Variants in DSG3 observed in about 807,000 individuals in gnomAD.
DSG3 encodes the protein desmoglein 3, also known as desmoglein-3.
A neutral mutation model predicts 85.9 loss-of-function variants in DSG3; 63 were observed. The observed-to-expected ratio is 0.73, with a 90% confidence interval of 0.60 to 0.90. The LOEUF is 0.90. DSG3 is among the 40% of genes least tolerant of loss of function. The pLI is 0.00. For missense variants in DSG3, 1,220 were observed against 1,219.9 expected (o/e 1.00, Z 0.00); for synonymous variants, 447 against 441.9 (o/e 1.01, Z -0.14).
In DSG3 at chr18:31,472,408, C is replaced by A. The variant is rs1025733333; in HGVS notation, c.2022C>A (p.Ala674=). 2 of 1,613,166 alleles carry A rather than the reference C, an allele frequency of 1.2e-6. No individual in the cohort carries two copies. Among genetic ancestry groups the A allele is most frequent in the Non-Finnish European group, 1.7e-6 (2 of 1,179,812 alleles). The change falls in exon 13 of 16, where the codon GCC becomes GCA. Residue 674 remains alanine (A), a synonymous_variant. Coordinates refer to ENST00000257189, the MANE Select transcript of DSG3 (RefSeq NM_001944.3). ...TTCATCAGTGGGGAATTGAAGGAGC[C>A]CATCCTGAAGACAAGGTAAGCATCC... ...GTIHQWGIEG[A]HPEDKEITNI...
rs371285512 is a variant in DSG3, at chr18:31,476,410, T to G, written c.*150T>G. 5.2e-5 allele frequency: 47 copies of G among 906,920 alleles called. No homozygotes were observed. Among genetic ancestry groups the G allele is most frequent in the East Asian group, 3.7e-4 (14 of 37,934 alleles). The allele number at this position is 906,920 out of a possible 1,614,324, so 56.2% of individuals were successfully genotyped here. A position where few individuals can be genotyped will look rare whatever the true frequency, so the allele number is the denominator to read the frequency against. On this transcript the variant is annotated 3_prime_UTR_variant, in exon 16 of 16. Transcript: ENST00000257189. ...TGATCACGATTATAAATTAAATGTT[T>G]GGGTTCATACCCCAAAAGCAATATG...
At position 31,471,468 on chromosome 18, in the gene DSG3, C is replaced by T. The variant is rs552021394; in HGVS notation, c.1898-816C>T. On this transcript the variant is annotated intron_variant, in intron 12 of 15. Coordinates refer to ENST00000257189, the MANE Select transcript of DSG3 (RefSeq NM_001944.3). ...AAATTTAAACCCTAGAATCTGACTT[C>T]GGAGGCTGCATGCTTAAACCCCTCA... Among the ~76,000 whole-genome samples the T allele has an allele frequency of 6.0e-4, 91 of 152,202 alleles. No individual in the cohort carries two copies. In the South Asian group the frequency reaches 6.4e-3, roughly 11 times the overall value.
At chr18:31,448,063 TGAA>T in intron 1 of DSG3, 138 bp downstream of exon 1, 1 of 534,656 alleles carries the variant, frequency 1.9e-6, no homozygotes, top group Non-Finnish European at 3.0e-6. Context: ...AATGAAATCG[TGAA>T]GATTACCAAT....
At chr18:31,447,995 G>T in intron 1 of DSG3, 70 bp downstream of exon 1, 2 of 1,183,076 alleles carry the variant, frequency 1.7e-6, no homozygotes, top group South Asian at 1.8e-5. Context: ...TATTATATTT[G>T]ATTGCACAAT....
intron 9 of DSG3, among the ~76,000 whole-genome samples, chr18:31,465,116 A>G (rs1437265823): frequency 1.4e-5 from 2 of 146,824 alleles, no homozygotes; most frequent in Non-Finnish European, 3.0e-5. Flanking sequence ...CAAGAGCGAA[A>G]CTCCGTCTCA....
chr18:31,474,028 A>T, intron 14 of DSG3, 93 bp from the exon 15 acceptor site: 1 of 1,230,828 alleles, frequency 8.1e-7, no homozygotes, highest in African/African-American at 1.5e-5. Flanking sequence ...ACTTGTTTGC[A>T]TGGTGACTGC....
chr18:31,464,052 AC>A, intron 8 of DSG3, 58 bp from the exon 9 acceptor site: 2 of 1,505,292 alleles, frequency 1.3e-6, no homozygotes. Flanking sequence ...GTCATCATCT[AC>A]TGGGTTTGCG....
rs775849565 is a variant in DSG3, at chr18:31,466,675, A to C, written c.1557A>C (p.Arg519Ser). The change falls in exon 11 of 16, where the codon AGA becomes AGC. Residue 519 changes from arginine (R) to serine (S), a missense_variant. By Grantham distance (110) the Arg-to-Ser change is moderately radical. Coordinates refer to ENST00000257189, the MANE Select transcript of DSG3 (RefSeq NM_001944.3). Reference protein sequence around the residue: ...VVVSARTLNNRYTGPYTFALE... With the variant: ...VVVSARTLNNSYTGPYTFALE... Reference sequence around the variant, plus strand: ...TCTCCGCTAGAACACTGAATAATAGATACACTGGCCCCTATACATTTGCAC... The same window carrying C: ...TCTCCGCTAGAACACTGAATAATAGCTACACTGGCCCCTATACATTTGCAC... 1.1e-5 allele frequency: 18 copies of C among 1,614,082 alleles called. No homozygotes were observed. The highest frequency in any genetic ancestry group is 3.3e-4 in the Middle Eastern group (2 of 6,084).
intron 8 of DSG3, 94 bp downstream of exon 8, chr18:31,461,506 C>A: frequency 8.4e-7 from 1 of 1,193,126 alleles, no homozygotes; most frequent in Non-Finnish European, 1.2e-6. Flanking sequence ...GTTAATATCA[C>A]TTTATTACAG....
chr18:31,459,787 A>T (rs2072772006), intron 5 of DSG3, 58 bp from the exon 6 acceptor site: 1 of 1,464,604 alleles, frequency 6.8e-7, no homozygotes, highest in African/African-American at 1.4e-5. Flanking sequence ...GAATATTTAA[A>T]GTAAACATAA....
chr18:31,459,371 A>G (rs1385656701), intron 5 of DSG3, among the ~76,000 whole-genome samples, 194 bp downstream of exon 5: 3 of 152,180 alleles, frequency 2.0e-5, no homozygotes, highest in South Asian at 2.1e-4. Flanking sequence ...CTATCACTGT[A>G]TTTCTAGTTA....
rs576708897 is a variant in DSG3 at position 31,451,988 on chromosome 18, T to G, written c.48+4063T>G. On this transcript the variant is annotated intron_variant, in intron 1 of 15. Coordinates refer to ENST00000257189, the MANE Select transcript of DSG3 (RefSeq NM_001944.3). ...TAATCACAAGATGAATAATTGAATC[T>G]GTCTAATATACACCTTTTTCTTGGA... Among the ~76,000 whole-genome samples the G allele has an allele frequency of 2.0e-5, 3 of 152,340 alleles. No homozygotes were observed. The South Asian group carries it at 6.2e-4, about 32-fold the overall frequency.
chr18:31,472,947 A>T (rs1258508601), intron 14 of DSG3, among the ~76,000 whole-genome samples, 159 bp downstream of exon 14: 1 of 152,238 alleles, frequency 6.6e-6, no homozygotes, highest in East Asian at 1.9e-4. Context: ...ATATTTTTAT[A>T]TTAGTCAATT....
chr18:31,462,116 A>G (rs570787904), intron 8 of DSG3, among the ~76,000 whole-genome samples: 3 of 144,518 alleles, frequency 2.1e-5, no homozygotes, highest in African/African-American at 8.1e-5. Context: ...TCTGTCATCT[A>G]GGCAAGAGTG....
intron 15 of DSG3, among the ~76,000 whole-genome samples, chr18:31,474,650 G>A (rs2072876223): frequency 6.6e-6 from 1 of 152,186 alleles, no homozygotes. Context: ...AGCTACTCGG[G>A]AGGCTGAGGT....
Position 31,478,508 on chromosome 18 carries a change from A to G in DSG3, c.*2248A>G, listed in dbSNP as rs922145627. On this transcript the variant is annotated 3_prime_UTR_variant, in exon 16 of 16. Coordinates refer to ENST00000257189, the MANE Select transcript of DSG3 (RefSeq NM_001944.3). ...GTTTTTAAATTTCAAAAAAAAATCA[A>G]TCTTTAGGATGACTTAAAAATTGAT... is the stretch of plus-strand genomic sequence containing the variant. The G allele has an allele frequency of 3.3e-5, 5 of 152,192 alleles. No homozygotes were observed. In the South Asian group the frequency reaches 6.2e-4, roughly 19 times the overall value. The allele number at this position is 152,192 out of a possible 1,614,324, so 9.4% of individuals were successfully genotyped here.
chr18:31,474,015 C>A, intron 14 of DSG3, 106 bp from the exon 15 acceptor site: 1 of 1,080,614 alleles, frequency 9.3e-7, no homozygotes, highest in Non-Finnish European at 1.3e-6. Context: ...TTTTCTCCCA[C>A]TTACTTGTTT....
rs753389625 is a variant in DSG3, at chr18:31,456,449, T to C, written c.58T>C (p.Leu20=). ...ATTTAAATGTCTGCAGGTGGTCATA[T>C]TGGTTCATGGAGAATTGCGAATAGA... ...GALAIFVVVI[L]VHGELRIETK... Residue 20 remains leucine (L), a synonymous_variant, in exon 2 of 16, where the codon TTG becomes CTG. Transcript: ENST00000257189. 5.2e-6 allele frequency: 7 copies of C among 1,351,538 alleles called. No individual in the cohort carries two copies. The highest frequency in any genetic ancestry group is 2.7e-5 in the East Asian group (1 of 36,416). 83.7% of individuals were successfully genotyped at this position (1,351,538 alleles called of 1,614,324 possible).
In DSG3 at chr18:31,451,430, A is replaced by C. The variant is rs142289165; in HGVS notation, c.48+3505A>C. Among the ~76,000 whole-genome samples, 456 of 152,380 alleles carry C rather than the reference A, an allele frequency of 3.0e-3. 4 individuals carry two copies. The highest frequency in any genetic ancestry group is 9.9e-3 in the African/African-American group (413 of 41,588). On this transcript the variant is annotated intron_variant, in intron 1 of 15. Coordinates refer to ENST00000257189, the MANE Select transcript of DSG3 (RefSeq NM_001944.3). ...GTGGTAGGAAAAAAAAGAGAGAAGC[A>C]GTTTAAATACCAAGTTTGAGTTAGC...
Sources: allele counts gnomAD v4.1 joint callset (sites outside exome capture counted in the v4.1 genomes callset), GRCh38; gene constraint gnomAD v4.1.1; transcripts MANE v1.5; gene names NCBI Gene and HGNC (gene_info 2026-07-23, HGNC 2026-07-21).